Variants in GXYLT2 observed in about 807,000 individuals in gnomAD.
The protein encoded by GXYLT2 is glucoside xylosyltransferase 2.
In GXYLT2, 53 loss-of-function variants were observed where a neutral mutation model predicts 45.8. That is an observed-to-expected ratio of 1.16 (90% CI 0.93 to 1.46). The LOEUF is 1.46. GXYLT2 is among the 40% of genes most tolerant of loss of function. The pLI is 0.00. For synonymous variants in GXYLT2, 219 were observed against 214.2 expected (o/e 1.02, Z -0.19); for missense variants, 551 against 544.4 (o/e 1.01, Z -0.12).
chr3:72,917,757 CA>C (rs756537850), intron 2 of GXYLT2, among the ~76,000 whole-genome samples: 1,092 of 60,132 alleles, frequency 0.018, 3 homozygotes, highest in Admixed American at 0.045. Flanking sequence ...GGCCCCATCT[CA>C]AAAAAAAAAA....
intron 2 of GXYLT2, among the ~76,000 whole-genome samples, chr3:72,910,114 G>A (rs1709589719): frequency 6.6e-6 from 1 of 152,164 alleles, no homozygotes; most frequent in Admixed American, 6.5e-5. Context: ...CTCAGAGGGT[G>A]AAGTATAAGG....
At chr3:72,891,901 GA>G (rs779645548) in intron 1 of GXYLT2, among the ~76,000 whole-genome samples, 10 of 151,854 alleles carry the variant, frequency 6.6e-5, no homozygotes, top group Non-Finnish European at 1.5e-4. Context: ...TATCAAGAGA[GA>G]TTTTTTTTTT....
At chr3:72,967,416 T>TA (rs1412401991) in intron 5 of GXYLT2, 131 bp from the exon 6 acceptor site, 3 of 637,840 alleles carry the variant, frequency 4.7e-6, no homozygotes, top group Admixed American at 6.7e-5. Context: ...GATCTATGAG[T>TA]AAAAAATCAC....
intron 3 of GXYLT2, among the ~76,000 whole-genome samples, chr3:72,939,221 A>G (rs982717711): frequency 2.0e-5 from 3 of 152,150 alleles, no homozygotes; most frequent in Non-Finnish European, 1.5e-5. Flanking sequence ...CCAATTATAT[A>G]TATATTTTAA....
In GXYLT2 at chr3:72,908,487, GC is replaced by G. The variant is rs1559729743; in HGVS notation, c.397del (p.Leu133PhefsTer17). The stretch of plus-strand genomic sequence containing the variant: ...CGCTGGTCATGCTCAAATCAGCTGT[GC>G]TTTTTAGCCACAGGAAGATCCAATT... ...ETLVMLKSAVLFSHRKIQFHI... is the reference protein window; with the variant it reads ...ETLVMLKSAVXFSHRKIQFHI... On this transcript the variant is annotated frameshift_variant, in exon 2 of 7. Transcript: ENST00000389617. LOFTEE classifies it high-confidence loss of function. The G allele has an allele frequency of 6.2e-7, 1 of 1,613,956 alleles. No homozygotes were observed. Among genetic ancestry groups the G allele is most frequent in the Non-Finnish European group, 8.5e-7 (1 of 1,179,886 alleles).
At chr3:72,901,419 G>A (rs1320713981) in intron 1 of GXYLT2, among the ~76,000 whole-genome samples, 1 of 148,150 alleles carries the variant, frequency 6.7e-6, no homozygotes, top group African/African-American at 2.5e-5. Context: ...AGCCAAGATC[G>A]CACCACTGCA....
intron 2 of GXYLT2, among the ~76,000 whole-genome samples, chr3:72,915,806 C>G (rs1709730603): frequency 6.6e-6 from 1 of 151,562 alleles, no homozygotes; most frequent in Non-Finnish European, 1.5e-5. Context: ...GCACTCTATC[C>G]TGGGTGACAG....
At chr3:72,934,083 T>A (rs937322414) in intron 3 of GXYLT2, among the ~76,000 whole-genome samples, 13 of 34,348 alleles carry the variant, frequency 3.8e-4, no homozygotes, top group Non-Finnish European at 1.0e-3. Context: ...TTTTATTCTT[T>A]TTTTTTTTTT....
At position 72,974,990 on chromosome 3, in the gene GXYLT2, A is replaced by T. The variant is rs939295493; in HGVS notation, c.1163A>T (p.Asp388Val). ...YEAIRDFPFQ[D>V]NLFQSMYYPL... Reference sequence around the variant, plus strand: ...GTCATCTTTCAGTTTCCCTTTCAAGACAATCTCTTTCAATCCATGTATTAC... The same window carrying T: ...GTCATCTTTCAGTTTCCCTTTCAAGTCAATCTCTTTCAATCCATGTATTAC... Residue 388 changes from aspartate to valine, a missense_variant, in exon 7 of 7, where the codon GAC (aspartate) becomes GTC (valine). Asp to Val is a radical substitution (Grantham distance 152). Transcript: ENST00000389617. 4 of 1,551,756 alleles carry T rather than the reference A, an allele frequency of 2.6e-6. No homozygotes were observed. The highest frequency in any genetic ancestry group is 1.4e-5 in the African/African-American group (1 of 72,322).
intron 2 of GXYLT2, among the ~76,000 whole-genome samples, chr3:72,911,971 G>A (rs1010166107): frequency 7.0e-6 from 1 of 142,206 alleles, no homozygotes; most frequent in African/African-American, 2.7e-5. Flanking sequence ...GTGTGTGTGT[G>A]TGTGCATGTG....
intron 4 of GXYLT2, among the ~76,000 whole-genome samples, chr3:72,956,446 T>G (rs1282790366): frequency 6.6e-6 from 1 of 152,210 alleles, no homozygotes; most frequent in Non-Finnish European, 1.5e-5. Flanking sequence ...AATCATTGTT[T>G]AAGACAAGGA....
At chr3:72,957,129 C>A (rs1240006240) in intron 4 of GXYLT2, 100 bp from the exon 5 acceptor site, 1 of 1,246,256 alleles carries the variant, frequency 8.0e-7, no homozygotes, top group Non-Finnish European at 1.1e-6. Flanking sequence ...ATTTGTTTCC[C>A]TCCTCTGAAG....
chr3:72,974,280 A>G (rs1022550550), intron 6 of GXYLT2, among the ~76,000 whole-genome samples: 3 of 152,224 alleles, frequency 2.0e-5, no homozygotes, highest in Non-Finnish European at 4.4e-5. Flanking sequence ...GGCAGTGATG[A>G]TCTCAAAAGC....
chr3:72,970,412 C>G (rs976838662), intron 6 of GXYLT2, among the ~76,000 whole-genome samples: 2 of 151,244 alleles, frequency 1.3e-5, no homozygotes, highest in Admixed American at 1.3e-4. Flanking sequence ...CCTATAATCC[C>G]AGCACTTTGG....
At chr3:72,905,604 T>A (rs1227553102) in intron 1 of GXYLT2, among the ~76,000 whole-genome samples, 4 of 152,228 alleles carry the variant, frequency 2.6e-5, no homozygotes, top group African/African-American at 9.6e-5. Context: ...TGCATAGGTC[T>A]TGTGCAAATG....
chr3:72,967,411 A>G (rs1243665762), intron 5 of GXYLT2, 136 bp from the exon 6 acceptor site: 8 of 598,008 alleles, frequency 1.3e-5, no homozygotes, highest in Non-Finnish European at 2.2e-5. Flanking sequence ...AATTTGATCT[A>G]TGAGTAAAAA....
chr3:72,897,619 AAAAAGTCCT>A (rs1709319309), intron 1 of GXYLT2, among the ~76,000 whole-genome samples: 1 of 152,226 alleles, frequency 6.6e-6, no homozygotes, highest in African/African-American at 2.4e-5. Flanking sequence ...TGCTTTTACC[AAAAAGTCCT>A]AAAAATGGAT....
intron 2 of GXYLT2, among the ~76,000 whole-genome samples, chr3:72,917,647 CT>C (rs1381185488): frequency 8.6e-5 from 13 of 151,078 alleles, no homozygotes; most frequent in Non-Finnish European, 1.9e-4. Context: ...GTCCCAGCTA[CT>C]TGGGAGGCTG....
At chr3:72,957,479 C>G (rs905144980) in intron 5 of GXYLT2, 127 bp downstream of exon 5, 2 of 963,486 alleles carry the variant, frequency 2.1e-6, no homozygotes, top group African/African-American at 3.3e-5. Context: ...TGTTCCCCAG[C>G]GAAGTTTGCC....
Sources: gnomAD v4.1 joint callset for allele counts (sites outside exome capture counted in the v4.1 genomes callset) on GRCh38, gnomAD v4.1.1 for gene constraint, MANE v1.5 for transcripts, NCBI Gene and HGNC (gene_info 2026-07-23, HGNC 2026-07-21) for gene names.